Variants in FBLN5 observed in about 807,000 individuals in gnomAD.
FBLN5 encodes the protein fibulin 5, also known as fibulin-5.
Under a neutral mutation model 61.6 loss-of-function variants are expected in FBLN5, and 24 were observed. The ratio of observed to expected loss-of-function variants is 0.39; its 90% CI spans 0.28 to 0.55. The LOEUF (loss-of-function observed/expected upper bound fraction) is 0.55, where lower values mean the gene tolerates loss of function less well. Among genes scored for constraint, FBLN5 ranks in the 20% least tolerant of loss-of-function variants. FBLN5 has a pLI of 0.65. For missense variants in FBLN5, 470 were observed against 594.1 expected, an observed-to-expected ratio of 0.79 and a Z score of 2.17; for synonymous variants, 213 against 219.8, an observed-to-expected ratio of 0.97 and a Z score of 0.27.
chr14:91,946,778 T>C (rs2056191629), intron 1 of FBLN5: 5 of 1,535,936 alleles, frequency 3.3e-6, no homozygotes, highest in South Asian at 2.4e-5. Flanking sequence ...CACACAAACA[T>C]AGAGCAAATC....
At position 91,877,510 on chromosome 14, in the gene FBLN5, C is replaced by T; in HGVS notation, c.1162G>A (p.Glu388Lys). ...YYIFQIKSGN[E>K]GREFYMRQTG... ...ACCCGCATGTAAAATTCTCTGCCCT[C>T]ATTCCCAGATTTGATCTGGAAAATG... Residue 388 changes from glutamate to lysine, a missense_variant, in exon 10 of 11, where the codon GAG becomes AAG. Physicochemically the swap from Glu to Lys is moderately conservative, Grantham distance 56 (BLOSUM62 1). Coordinates refer to ENST00000342058, the MANE Select transcript of FBLN5 (RefSeq NM_006329.4). The T allele has an allele frequency of 6.2e-7, 1 of 1,614,104 alleles. No individual in the cohort carries two copies. The highest frequency in any genetic ancestry group is 8.5e-7 in the Non-Finnish European group (1 of 1,179,980).
Position 91,879,882 on chromosome 14 carries a change from G to A in FBLN5, c.989+1410C>T, listed in dbSNP as rs138474964. 3.4e-3 allele frequency among the ~76,000 whole-genome samples: 519 copies of A among 152,288 alleles called. 3 individuals are homozygous for A. Among genetic ancestry groups the A allele is most frequent in the African/African-American group, 0.012 (494 of 41,562 alleles). Reference sequence around the variant, plus strand: ...TGATTCATCCTTTCGTCTCCCATGCGGGGTTTGGTGTTGCTCAAGGGAAGT... The same window carrying A: ...TGATTCATCCTTTCGTCTCCCATGCAGGGTTTGGTGTTGCTCAAGGGAAGT... On this transcript the variant is annotated intron_variant, in intron 9 of 10. Transcript: ENST00000342058.
intron 9 of FBLN5, chr14:91,878,036 TC>T: frequency 2.3e-6 from 1 of 430,048 alleles, no homozygotes; most frequent in Non-Finnish European, 4.4e-6. Flanking sequence ...AGACCCTGTC[TC>T]AAAAAAACAA....
chr14:91,930,100 G>A (rs1365113761), intron 4 of FBLN5, among the ~76,000 whole-genome samples: 2 of 152,182 alleles, frequency 1.3e-5, no homozygotes, highest in African/African-American at 2.4e-5. Context: ...CAGGACTAGG[G>A]GTTTGGAGCA....
At chr14:91,919,239 G>GA (rs1363749449) in intron 4 of FBLN5, among the ~76,000 whole-genome samples, 1 of 151,290 alleles carries the variant, frequency 6.6e-6, no homozygotes, top group African/African-American at 2.4e-5. Context: ...GCTGAGGCAG[G>GA]AAAATGATGT....
chr14:91,935,219 A>T (rs2055993386), intron 4 of FBLN5, among the ~76,000 whole-genome samples: 1 of 152,242 alleles, frequency 6.6e-6, no homozygotes, highest in Admixed American at 6.5e-5. Flanking sequence ...TTTCCCAGCC[A>T]TGTCCTCATT....
intron 4 of FBLN5, 65 bp downstream of exon 4, chr14:91,936,882 T>A: frequency 6.3e-7 from 1 of 1,597,750 alleles, no homozygotes. Context: ...GTGGTGAGCA[T>A]GCCAGATACA....
chr14:91,909,340 G>GC (rs1248219261), intron 4 of FBLN5, among the ~76,000 whole-genome samples: 1 of 152,142 alleles, frequency 6.6e-6, no homozygotes, highest in East Asian at 1.9e-4. Flanking sequence ...TATCTTTGTA[G>GC]CCCCTACTCC....
chr14:91,929,445 A>G lies in FBLN5; in HGVS notation c.379+7502T>C, dbSNP rs571473986. 5.3e-5 allele frequency among the ~76,000 whole-genome samples: 8 copies of G among 152,310 alleles called. No individual in the cohort carries two copies. In the South Asian group the frequency reaches 1.5e-3, roughly 28 times the overall value. ...GACCCCAGATTACGACCCTTAGTAT[A>G]ATACCATCCTTTCTTTTCACAGATA... On this transcript the variant is annotated intron_variant, in intron 4 of 10. Transcript: ENST00000342058.
chr14:91,895,078 A>G lies in FBLN5; in HGVS notation c.380-6T>C, dbSNP rs1184646920. The G allele has an allele frequency of 1.2e-6, 2 of 1,613,970 alleles. No individual in the cohort carries two copies. The highest frequency in any genetic ancestry group is 1.7e-6 in the Non-Finnish European group (2 of 1,179,876). ...TGTTGCACACTCGTCCACATCTGTA[A>G]TACAGACATAGTCCAAAGAATGTCA... On this transcript the variant is annotated splice_region_variant and splice_polypyrimidine_tract_variant and intron_variant, in intron 4 of 10. Coordinates refer to ENST00000342058, the MANE Select transcript of FBLN5 (RefSeq NM_006329.4).
chr14:91,887,554 T>C (rs1406547082), intron 6 of FBLN5, among the ~76,000 whole-genome samples: 1 of 152,052 alleles, frequency 6.6e-6, no homozygotes, highest in Non-Finnish European at 1.5e-5. Flanking sequence ...GGAAACCATA[T>C]GTATACACAT....
At chr14:91,917,850 T>C (rs1891261729) in intron 4 of FBLN5, among the ~76,000 whole-genome samples, 1 of 152,232 alleles carries the variant, frequency 6.6e-6, no homozygotes, top group African/African-American at 2.4e-5. Flanking sequence ...ATTTGCTCTA[T>C]GTTCCTAGAA....
In FBLN5 at chr14:91,902,275, TTG is replaced by T. The variant is rs1391249217; in HGVS notation, c.380-7205_380-7204del. Among the ~76,000 whole-genome samples, 73 of 44,850 alleles carry T rather than the reference TTG, an allele frequency of 1.6e-3. 1 individual carries two copies. Among genetic ancestry groups the T allele is most frequent in the Non-Finnish European group, 3.1e-3 (44 of 14,218 alleles). The allele number at this position is 44,850 out of a possible 152,430, so 29.4% of individuals were successfully genotyped here. ...TCTAGACATGGGTTTTTTTGTTTGT[TTG>T]TTTGTTTTTTTTTTTTTTTTTTCAA... On this transcript the variant is annotated intron_variant, in intron 4 of 10. Coordinates refer to ENST00000342058, the MANE Select transcript of FBLN5 (RefSeq NM_006329.4).
chr14:91,947,337 G>T lies in FBLN5; in HGVS notation c.-108C>A. ...CTCCTCTGGGCCCTCGGGGCTCGCG[G>T]GTGTTTTATTCCAGAGGGGCCGAGC... On this transcript the variant is annotated 5_prime_UTR_variant, in exon 1 of 11. Transcript: ENST00000342058. The surrounding 1 kb of genome is among the most constrained non-coding windows in gnomAD (Gnocchi z 4.3). The T allele has an allele frequency of 7.5e-7, 1 of 1,338,444 alleles. No individual in the cohort carries two copies. The highest frequency in any genetic ancestry group is 1.1e-6 in the Non-Finnish European group (1 of 937,170). 82.9% of individuals were successfully genotyped at this position (1,338,444 alleles called of 1,614,324 possible).
chr14:91,878,958 T>C (rs1166396041), intron 9 of FBLN5, among the ~76,000 whole-genome samples: 1 of 152,182 alleles, frequency 6.6e-6, no homozygotes, highest in Non-Finnish European at 1.5e-5. Context: ...CACACACCCA[T>C]AGTCCTAGCT....
intron 4 of FBLN5, among the ~76,000 whole-genome samples, chr14:91,936,630 T>C (rs533374452): frequency 6.6e-6 from 1 of 152,170 alleles, no homozygotes; most frequent in Non-Finnish European, 1.5e-5. Context: ...TTTGAGAAAA[T>C]ATTACCTTGG....
At chr14:91,936,891 C>A in intron 4 of FBLN5, 56 bp downstream of exon 4, 1 of 1,609,744 alleles carries the variant, frequency 6.2e-7, no homozygotes, top group Non-Finnish European at 8.5e-7. Context: ...ATGCCAGATA[C>A]AGACGATGTC....
In FBLN5 at chr14:91,885,159, C is replaced by T. The variant is rs2110431; in HGVS notation, c.739+2034G>A. Among the ~76,000 whole-genome samples the T allele has an allele frequency of 5.7e-3, 870 of 152,344 alleles. 10 individuals carry two copies. Among genetic ancestry groups the T allele is most frequent in the African/African-American group, 0.02 (826 of 41,574 alleles). ...GCAGAAACAGACTCTCTCCATCACCCTGTTATCCTGGGCCAGTCTGCTCTA... is the reference window on the plus strand; with the variant it reads ...GCAGAAACAGACTCTCTCCATCACCTTGTTATCCTGGGCCAGTCTGCTCTA... On this transcript the variant is annotated intron_variant, in intron 7 of 10. Transcript: ENST00000342058.
intron 4 of FBLN5, among the ~76,000 whole-genome samples, chr14:91,914,499 AAAC>A (rs556982176): frequency 0.01 from 1,461 of 144,916 alleles, 39 homozygotes; most frequent in Non-Finnish European, 0.013. Flanking sequence ...AAAAAAAAAA[AAAC>A]AACAAATATT....
Sources: allele counts gnomAD v4.1 joint callset (sites outside exome capture counted in the v4.1 genomes callset), GRCh38; gene constraint gnomAD v4.1.1; non-coding constraint Gnocchi (gnomAD v3.1); transcripts MANE v1.5; gene names NCBI Gene and HGNC (gene_info 2026-07-23, HGNC 2026-07-21).